The following GPC5 variants were observed in gnomAD, a reference collection of about 807,000 sequenced individuals.
GPC5 encodes glypican-5.
In GPC5, 47 loss-of-function variants were observed where a neutral mutation model predicts 53.9. That is an observed-to-expected ratio of 0.87 (90% CI 0.69 to 1.11). The LOEUF (loss-of-function observed/expected upper bound fraction) is 1.11, where lower values mean the gene tolerates loss of function less well. Ranked by LOEUF, GPC5 falls within the 50% of genes most tolerant of loss-of-function variation. The pLI is 0.00. For synonymous variants in GPC5, 286 were observed against 263.3 expected, an observed-to-expected ratio of 1.09 and a Z score of -0.84; for missense variants, 748 against 713.1, an observed-to-expected ratio of 1.05 and a Z score of -0.56.
chr13:91,958,887 G>C (rs1002680709), intron 6 of GPC5, among the ~76,000 whole-genome samples: 15 of 152,120 alleles, frequency 9.9e-5, no homozygotes, highest in African/African-American at 3.6e-4. Context: ...ACTGTGCTAA[G>C]AGGGAAGCTG....
At chr13:91,466,651 TAGAG>T (rs1231505117) in intron 2 of GPC5, among the ~76,000 whole-genome samples, 2 of 151,904 alleles carry the variant, frequency 1.3e-5, no homozygotes, top group African/African-American at 4.8e-5. Flanking sequence ...GTAGTGATGA[TAGAG>T]AGCAGAGGAG....
chr13:92,279,494 C>A (rs2042898218), intron 7 of GPC5, among the ~76,000 whole-genome samples: 1 of 151,890 alleles, frequency 6.6e-6, no homozygotes, highest in Non-Finnish European at 1.5e-5. Context: ...TTTTATTACT[C>A]CTGATAAGAC....
intron 2 of GPC5, among the ~76,000 whole-genome samples, chr13:91,671,608 T>C (rs775719107): frequency 1.3e-5 from 2 of 152,040 alleles, no homozygotes; most frequent in African/African-American, 4.8e-5. Context: ...CCTTCCATGC[T>C]AATGGATAGG....
chr13:91,954,693 A>G (rs933813571), intron 6 of GPC5, among the ~76,000 whole-genome samples: 6 of 152,078 alleles, frequency 3.9e-5, no homozygotes, highest in Non-Finnish European at 7.4e-5. Flanking sequence ...AATGCAAAAA[A>G]CATACTTTAA....
intron 7 of GPC5, chr13:92,447,258 C>G (rs1318364538): frequency 6.6e-6 from 1 of 152,044 alleles, no homozygotes; most frequent in Non-Finnish European, 1.5e-5. Context: ...AGTCATTTCA[C>G]AGTTTGAGGT....
At chr13:92,751,953 T>C (rs1566401045) in intron 7 of GPC5, among the ~76,000 whole-genome samples, 1 of 152,012 alleles carries the variant, frequency 6.6e-6, no homozygotes, top group African/African-American at 2.4e-5. Context: ...TTTGTTACCT[T>C]GTAAAAAAAA....
intron 7 of GPC5, among the ~76,000 whole-genome samples, chr13:92,177,378 C>G (rs1324547301): frequency 6.6e-6 from 1 of 152,106 alleles, no homozygotes; most frequent in Non-Finnish European, 1.5e-5. Flanking sequence ...GTTAGCGTAT[C>G]CCATCTCACT....
chr13:92,665,748 A>G (rs1886545419), intron 7 of GPC5, among the ~76,000 whole-genome samples: 1 of 152,142 alleles, frequency 6.6e-6, no homozygotes, highest in Non-Finnish European at 1.5e-5. Flanking sequence ...AGGCAAATAA[A>G]CTATGTTGTA....
chr13:91,709,741 G>GGTTGTA (rs770336676), intron 3 of GPC5, among the ~76,000 whole-genome samples: 6 of 152,148 alleles, frequency 3.9e-5, no homozygotes, highest in Non-Finnish European at 8.8e-5. Context: ...TGTTGGTTGT[G>GGTTGTA]CTTACCACTG....
chr13:91,808,712 T>C (rs1009924279), intron 5 of GPC5, among the ~76,000 whole-genome samples: 2 of 152,168 alleles, frequency 1.3e-5, no homozygotes, highest in African/African-American at 4.8e-5. Context: ...ACCTAAATTC[T>C]CCAAAGTGAT....
At chr13:91,440,277 C>T (rs1463236388) in intron 1 of GPC5, among the ~76,000 whole-genome samples, 2 of 152,128 alleles carry the variant, frequency 1.3e-5, no homozygotes, top group East Asian at 3.9e-4. Flanking sequence ...TCCTTTCATC[C>T]ATCTATCCAT....
At chr13:92,610,762 G>T (rs1385019316) in intron 7 of GPC5, among the ~76,000 whole-genome samples, 1 of 152,060 alleles carries the variant, frequency 6.6e-6, no homozygotes, top group Non-Finnish European at 1.5e-5. Context: ...TCACAGGGTG[G>T]CAGGAAGGAG....
At chr13:92,519,333 C>G (rs1235588208) in intron 7 of GPC5, among the ~76,000 whole-genome samples, 1 of 152,182 alleles carries the variant, frequency 6.6e-6, no homozygotes, top group Non-Finnish European at 1.5e-5. Flanking sequence ...ACATTCTTCT[C>G]AACACCACAT....
intron 7 of GPC5, among the ~76,000 whole-genome samples, chr13:92,847,188 C>A (rs1402978870): frequency 6.6e-6 from 1 of 152,088 alleles, no homozygotes; most frequent in African/African-American, 2.4e-5. Context: ...AATCAATATC[C>A]TTTTTTACAT....
chr13:92,051,346 C>T lies in GPC5; in HGVS notation c.1402-93484C>T, dbSNP rs9560908. Among the ~76,000 whole-genome samples the T allele has an allele frequency of 1.3e-3, 192 of 151,908 alleles. No homozygotes were observed. The East Asian group carries it at 0.013, about 10-fold the overall frequency. On this transcript the variant is annotated intron_variant, in intron 6 of 7. Coordinates refer to ENST00000377067, the MANE Select transcript of GPC5 (RefSeq NM_004466.6). ...CCTCCTGAGTAGCTGGAACTACAGG[C>T]GCACACCACCACGCCCAGCTAATTT...
At chr13:92,809,101 T>A (rs1319150068) in intron 7 of GPC5, among the ~76,000 whole-genome samples, 1 of 152,116 alleles carries the variant, frequency 6.6e-6, no homozygotes, top group Non-Finnish European at 1.5e-5. Context: ...TTTGCTTCAT[T>A]TTGCCTCAGT....
chr13:91,661,308 T>C (rs2034981940), intron 2 of GPC5, among the ~76,000 whole-genome samples: 1 of 152,184 alleles, frequency 6.6e-6, no homozygotes, highest in Non-Finnish European at 1.5e-5. Context: ...CATTTTAGAA[T>C]TGTTTTTTGA....
At chr13:92,695,849 C>T (rs1212856246) in intron 7 of GPC5, among the ~76,000 whole-genome samples, 1 of 152,064 alleles carries the variant, frequency 6.6e-6, no homozygotes, top group Non-Finnish European at 1.5e-5. Context: ...TATCCCTCCC[C>T]TAGTCCCCCA....
chr13:92,035,287 C>T (rs972745459), intron 6 of GPC5, among the ~76,000 whole-genome samples: 35 of 151,910 alleles, frequency 2.3e-4, no homozygotes, highest in African/African-American at 8.4e-4. Flanking sequence ...GGGCACGGGA[C>T]GTTCAGCTCT....
Sources: allele counts gnomAD v4.1 joint callset (sites outside exome capture counted in the v4.1 genomes callset), GRCh38; gene constraint gnomAD v4.1.1; transcripts MANE v1.5; gene names NCBI Gene and HGNC (gene_info 2026-07-23, HGNC 2026-07-21).